The following DLG2 variants were observed in gnomAD, a reference collection of about 807,000 sequenced individuals.
DLG2 encodes disks large homolog 2.
DLG2 carries 45 observed loss-of-function variants against 132.5 expected under a neutral mutation model. The observed-to-expected ratio is 0.34, with a 90% confidence interval of 0.27 to 0.44. DLG2 has a LOEUF of 0.44. Among genes scored for constraint, DLG2 ranks in the 20% least tolerant of loss-of-function variants. DLG2 has a pLI of 1.00. For synonymous variants in DLG2, 424 were observed against 419.6 expected (o/e 1.01, Z -0.13); for missense variants, 1,045 against 1,196.9 (o/e 0.87, Z 1.87).
intron 3 of DLG2, among the ~76,000 whole-genome samples, chr11:85,347,815 T>TG (rs940314097): frequency 1.4e-5 from 2 of 144,966 alleles, no homozygotes; most frequent in African/African-American, 5.2e-5. Context: ...TTTTTTTTTT[T>TG]TTTTTTGAGA....
chr11:85,575,370 T>C (rs886535012), intron 3 of DLG2, among the ~76,000 whole-genome samples: 1 of 151,598 alleles, frequency 6.6e-6, no homozygotes, highest in Non-Finnish European at 1.5e-5. Context: ...ACCCCATCTC[T>C]ATGAAAAAAT....
chr11:84,859,411 T>TATAC, intron 6 of DLG2, among the ~76,000 whole-genome samples: 1 of 144,626 alleles, frequency 6.9e-6, no homozygotes, highest in African/African-American at 2.6e-5. Flanking sequence ...TATATACATA[T>TATAC]ATATGTATAC....
intron 6 of DLG2, among the ~76,000 whole-genome samples, chr11:84,854,497 A>T (rs1165163515): frequency 6.6e-6 from 1 of 152,032 alleles, no homozygotes; most frequent in African/African-American, 2.4e-5. Context: ...CTCACTGTTC[A>T]GCATTAAGTT....
At chr11:84,075,639 A>C (rs1437720880) in intron 10 of DLG2, among the ~76,000 whole-genome samples, 1 of 152,160 alleles carries the variant, frequency 6.6e-6, no homozygotes, top group Non-Finnish European at 1.5e-5. Context: ...TCTCTATGCA[A>C]CAGATAATGC....
intron 6 of DLG2, among the ~76,000 whole-genome samples, chr11:84,742,231 T>A (rs184877371): frequency 1.3e-5 from 2 of 152,240 alleles, no homozygotes; most frequent in Admixed American, 6.5e-5. Flanking sequence ...TTATATTCAA[T>A]AAAATAATAG....
At chr11:84,442,091 G>C (rs151137228) in intron 7 of DLG2, among the ~76,000 whole-genome samples, 5 of 152,140 alleles carry the variant, frequency 3.3e-5, no homozygotes, top group African/African-American at 1.2e-4. Context: ...GGATTTTCTC[G>C]GCTATACAGG....
At chr11:85,590,312 C>T (rs2079231005) in intron 3 of DLG2, among the ~76,000 whole-genome samples, 1 of 152,122 alleles carries the variant, frequency 6.6e-6, no homozygotes, top group African/African-American at 2.4e-5. Context: ...AACATGTAAT[C>T]AATAAACAAT....
At chr11:83,709,245 G>A (rs1034595831) in intron 18 of DLG2, among the ~76,000 whole-genome samples, 4 of 150,120 alleles carry the variant, frequency 2.7e-5, no homozygotes, top group Admixed American at 6.7e-5. Context: ...GTGTGTGTGT[G>A]TGTGTATATG....
intron 4 of DLG2, among the ~76,000 whole-genome samples, chr11:85,268,083 G>C (rs1313737659): frequency 6.6e-6 from 1 of 152,068 alleles, no homozygotes; most frequent in East Asian, 1.9e-4. Flanking sequence ...TATTTAACCT[G>C]ACAAATTTCA....
intron 5 of DLG2, among the ~76,000 whole-genome samples, chr11:85,145,737 T>G (rs955545568): frequency 6.6e-6 from 1 of 152,144 alleles, no homozygotes; most frequent in Non-Finnish European, 1.5e-5. Context: ...ATCCCTTCTC[T>G]GTGTTATCTT....
chr11:83,718,521 T>C (rs564944551), intron 18 of DLG2, among the ~76,000 whole-genome samples: 162 of 71,826 alleles, frequency 2.3e-3, no homozygotes, highest in Non-Finnish European at 3.3e-3. Flanking sequence ...TGAAACTCCA[T>C]CTCAAAAAAA....
At chr11:84,445,045 C>T (rs879470651) in intron 7 of DLG2, among the ~76,000 whole-genome samples, 8 of 152,102 alleles carry the variant, frequency 5.3e-5, no homozygotes, top group Non-Finnish European at 1.0e-4. Context: ...TCAGGCAGAC[C>T]AGGTAATCCG....
chr11:85,616,620 G>T (rs1203200465), intron 2 of DLG2, among the ~76,000 whole-genome samples: 2 of 152,114 alleles, frequency 1.3e-5, no homozygotes, highest in East Asian at 3.9e-4. Flanking sequence ...AATAAAATAA[G>T]AGTTTGTCAG....
intron 8 of DLG2, among the ~76,000 whole-genome samples, chr11:84,164,111 G>A (rs193283682): frequency 2.6e-5 from 4 of 152,224 alleles, no homozygotes; most frequent in African/African-American, 7.2e-5. Flanking sequence ...AGCAAAGTAA[G>A]ACACATTTTG....
intron 11 of DLG2, among the ~76,000 whole-genome samples, chr11:84,019,567 G>A (rs1482553174): frequency 6.6e-6 from 1 of 152,056 alleles, no homozygotes; most frequent in African/African-American, 2.4e-5. Flanking sequence ...CTAATCTCCA[G>A]TATCTGTGAC....
chr11:85,424,669 T>C (rs2090576407), intron 3 of DLG2, among the ~76,000 whole-genome samples: 4 of 152,222 alleles, frequency 2.6e-5, no homozygotes, highest in African/African-American at 9.6e-5. Flanking sequence ...CTAGGTATTA[T>C]TAACTTCAGA....
intron 12 of DLG2, among the ~76,000 whole-genome samples, chr11:83,972,100 AAGT>A (rs1400756171): frequency 1.3e-5 from 2 of 152,136 alleles, no homozygotes; most frequent in African/African-American, 4.8e-5. Context: ...GGAAAAAAGA[AAGT>A]TAATTTCTCA....
chr11:84,240,746 G>A (rs2154342824), intron 8 of DLG2, among the ~76,000 whole-genome samples: 1 of 152,288 alleles, frequency 6.6e-6, no homozygotes, highest in African/African-American at 2.4e-5. Flanking sequence ...AGGAGCTTGT[G>A]TCAGTTGTTC....
At chr11:85,413,597 G>T (rs2089541140) in intron 3 of DLG2, among the ~76,000 whole-genome samples, 1 of 151,748 alleles carries the variant, frequency 6.6e-6, no homozygotes, top group African/African-American at 2.4e-5. Context: ...GAAAGATGAG[G>T]ATCCAGTTTC....
Sources: allele counts gnomAD v4.1 joint callset (sites outside exome capture counted in the v4.1 genomes callset), GRCh38; gene constraint gnomAD v4.1.1; transcripts MANE v1.5; gene names NCBI Gene and HGNC (gene_info 2026-07-23, HGNC 2026-07-21).